IQCM: variants seen among roughly 807,000 people sequenced by gnomAD.
IQCM encodes IQ motif containing M, also known as IQ domain-containing protein M.
In IQCM, 45 loss-of-function variants were observed where a neutral mutation model predicts 57.6. That is an observed-to-expected ratio of 0.78 (90% CI 0.62 to 1.00). The LOEUF (loss-of-function observed/expected upper bound fraction) is 1.00, where lower values mean the gene tolerates loss of function less well. Ranked by LOEUF, IQCM falls within the 50% of genes least tolerant of loss-of-function variation. The probability of loss-of-function intolerance (pLI) is 0.00; values close to 1 mark genes in which losing one functional copy is unlikely to be tolerated. For synonymous variants in IQCM, 148 were observed against 158.9 expected (o/e 0.93, Z 0.51); for missense variants, 468 against 511.6 (o/e 0.91, Z 0.82).
At chr4:149,560,264 T>C (rs975002853) in intron 10 of IQCM, among the ~76,000 whole-genome samples, 8 of 152,208 alleles carry the variant, frequency 5.3e-5, no homozygotes, top group Non-Finnish European at 1.0e-4. Context: ...GTTATTCTTA[T>C]GGTAATATTG....
chr4:149,484,578 C>CA (rs959659658), intron 12 of IQCM, among the ~76,000 whole-genome samples: 4 of 151,440 alleles, frequency 2.6e-5, no homozygotes, highest in South Asian at 2.1e-4. Flanking sequence ...AACAAACATG[C>CA]AAAAAAAATT....
At chr4:149,388,624 T>C (rs1731615835) in intron 13 of IQCM, among the ~76,000 whole-genome samples, 1 of 142,528 alleles carries the variant, frequency 7.0e-6, no homozygotes, top group East Asian at 2.0e-4. Context: ...AGAATATATA[T>C]ATACACATAT....
rs565994398 is a variant in IQCM, at chr4:149,507,641, G to T, written c.1228+40814C>A. Among the ~76,000 whole-genome samples, 3 of 152,204 alleles carry T rather than the reference G, an allele frequency of 2.0e-5. No individual in the cohort carries two copies. In the East Asian group the frequency reaches 5.8e-4, roughly 29 times the overall value. ...CAGCAAACATTCAAGAGGTGACTTG[G>T]GTACTGTTAAAGATATTCAGTTTTA... On this transcript the variant is annotated intron_variant, in intron 12 of 13. Coordinates refer to ENST00000636793, the MANE Select transcript of IQCM (RefSeq NM_001363507.2).
intron 2 of IQCM, chr4:149,748,830 G>T (rs928844785): frequency 6.6e-6 from 1 of 152,076 alleles, no homozygotes; most frequent in African/African-American, 2.4e-5. Flanking sequence ...AGAATAAATC[G>T]AAATACTGAA....
chr4:149,427,289 AC>A (rs1014871404), intron 13 of IQCM, among the ~76,000 whole-genome samples: 5 of 152,148 alleles, frequency 3.3e-5, no homozygotes, highest in South Asian at 2.1e-4. Flanking sequence ...CTCAGTTAAT[AC>A]TTGTTAAATA....
chr4:149,613,930 T>C (rs1201583688), intron 8 of IQCM, among the ~76,000 whole-genome samples: 1 of 152,194 alleles, frequency 6.6e-6, no homozygotes, highest in Non-Finnish European at 1.5e-5. Context: ...TAGCATTCCA[T>C]GGTGTATATG....
At chr4:149,421,389 T>A (rs1734112310) in intron 13 of IQCM, among the ~76,000 whole-genome samples, 2 of 152,176 alleles carry the variant, frequency 1.3e-5, no homozygotes, top group Middle Eastern at 6.8e-3. Context: ...GTGATGTGAA[T>A]GTATAAAAAC....
At position 149,664,081 on chromosome 4, in the gene IQCM, G is replaced by A. The variant is rs146745731; in HGVS notation, c.565+18037C>T. Reference sequence around the variant, plus strand: ...TTTTCTGCTTGATTAGTCTGTTGTTGAAGCCCTCAATGGTATTTTTACTTC... The same window carrying A: ...TTTTCTGCTTGATTAGTCTGTTGTTAAAGCCCTCAATGGTATTTTTACTTC... On this transcript the variant is annotated intron_variant, in intron 7 of 13. Transcript: ENST00000636793. 7.2e-5 allele frequency among the ~76,000 whole-genome samples: 11 copies of A among 152,086 alleles called. No homozygotes were observed. In the East Asian group the frequency reaches 2.1e-3, roughly 30 times the overall value.
At chr4:149,655,323 T>A (rs1283331393) in intron 7 of IQCM, among the ~76,000 whole-genome samples, 3 of 152,142 alleles carry the variant, frequency 2.0e-5, no homozygotes, top group Admixed American at 6.6e-5. Flanking sequence ...TAAAAATTCT[T>A]GTAATGGATT....
Position 149,383,676 on chromosome 4 carries a change from G to A in IQCM, c.1391-31610C>T, listed in dbSNP as rs538243422. The stretch of plus-strand genomic sequence containing the variant: ...TATAGAATATTCGAGAGCATAAGCC[G>A]TGCATGGTGGCTTACGTCTGTAATC... On this transcript the variant is annotated intron_variant, in intron 13 of 13. Transcript: ENST00000636793. Among the ~76,000 whole-genome samples the A allele has an allele frequency of 8.3e-4, 127 of 152,200 alleles. No individual in the cohort carries two copies. The South Asian group carries it at 0.016, about 20-fold the overall frequency.
chr4:149,449,524 C>T (rs1360413920), intron 12 of IQCM, among the ~76,000 whole-genome samples: 1 of 150,154 alleles, frequency 6.7e-6, no homozygotes, highest in African/African-American at 2.4e-5. Context: ...TTGCAGGATA[C>T]AAAGCTAACA....
chr4:149,559,668 T>C (rs1034855141), intron 10 of IQCM, among the ~76,000 whole-genome samples: 3 of 152,352 alleles, frequency 2.0e-5, no homozygotes, highest in Middle Eastern at 3.4e-3. Flanking sequence ...ACCCAGTATA[T>C]AGTAACTATT....
chr4:149,551,548 T>C (rs1188824125), intron 11 of IQCM, among the ~76,000 whole-genome samples: 1 of 152,090 alleles, frequency 6.6e-6, no homozygotes, highest in African/African-American at 2.4e-5. Flanking sequence ...AGTAAAATAG[T>C]AGGAGCATTT....
intron 2 of IQCM, among the ~76,000 whole-genome samples, chr4:149,790,809 G>T (rs1442059947): frequency 6.6e-6 from 1 of 151,912 alleles, no homozygotes; most frequent in East Asian, 1.9e-4. Context: ...ACTTCTTGGG[G>T]TTTCAGAATG....
At chr4:149,726,108 AAAG>A (rs1765889831) in intron 5 of IQCM, among the ~76,000 whole-genome samples, 1 of 148,746 alleles carries the variant, frequency 6.7e-6, no homozygotes, top group Non-Finnish European at 1.5e-5. Context: ...AGAAAGAAAG[AAAG>A]AAAGAAAGAA....
intron 12 of IQCM, among the ~76,000 whole-genome samples, chr4:149,460,815 T>C (rs1195060083): frequency 1.3e-5 from 2 of 152,172 alleles, no homozygotes; most frequent in Non-Finnish European, 2.9e-5. Flanking sequence ...AAAATATTTA[T>C]ATCTAATGGA....
intron 8 of IQCM, among the ~76,000 whole-genome samples, chr4:149,606,366 C>T (rs1299200892): frequency 4.6e-5 from 7 of 152,072 alleles, no homozygotes; most frequent in East Asian, 1.9e-4. Context: ...CTGAAACAGC[C>T]GCAGTGACCA....
At chr4:149,391,731 G>T (rs1038799884) in intron 13 of IQCM, among the ~76,000 whole-genome samples, 1 of 151,684 alleles carries the variant, frequency 6.6e-6, no homozygotes, top group African/African-American at 2.4e-5. Context: ...TTTCTTCTTT[G>T]ATTCATTGGC....
At position 149,755,519 on chromosome 4, in the gene IQCM, TA is replaced by T. The variant is rs769886195; in HGVS notation, c.-48-12781del. ...ATGTTCTTTTGTCAGATTCACAAGGTACCAACCCTTCACTTCTCCCAGGTGT... is the reference window on the plus strand; with the variant it reads ...ATGTTCTTTTGTCAGATTCACAAGGTCCAACCCTTCACTTCTCCCAGGTGT... On this transcript the variant is annotated intron_variant, in intron 2 of 13. Coordinates refer to ENST00000636793, the MANE Select transcript of IQCM (RefSeq NM_001363507.2). Among the ~76,000 whole-genome samples the T allele has an allele frequency of 1.2e-3, 185 of 152,250 alleles. 1 individual carries two copies. Among genetic ancestry groups the T allele is most frequent in the Non-Finnish European group, 1.3e-3 (87 of 68,016 alleles).
Sources: gnomAD v4.1 joint callset for allele counts (sites outside exome capture counted in the v4.1 genomes callset) on GRCh38, gnomAD v4.1.1 for gene constraint, MANE v1.5 for transcripts, NCBI Gene and HGNC (gene_info 2026-07-23, HGNC 2026-07-21) for gene names.